Variants in ST18 observed in about 807,000 individuals in gnomAD.
The protein encoded by ST18 is ST18 C2H2C-type zinc finger transcription factor, also known as suppression of tumorigenicity 18 protein.
In ST18, 50 loss-of-function variants were observed where a neutral mutation model predicts 110.0. The ratio of observed to expected loss-of-function variants is 0.45; its 90% CI spans 0.36 to 0.58. ST18 has a LOEUF of 0.58. Ranked by LOEUF, ST18 falls within the 20% of genes least tolerant of loss-of-function variation. The pLI, the probability that ST18 is intolerant of heterozygous loss-of-function variation, is 0.00. For missense variants in ST18, 1,306 were observed against 1,280.1 expected (o/e 1.02, Z -0.31); for synonymous variants, 461 against 452.4 (o/e 1.02, Z -0.24).
At chr8:52,146,123 G>T (rs925703670) in intron 16 of ST18, among the ~76,000 whole-genome samples, 1 of 152,166 alleles carries the variant, frequency 6.6e-6, no homozygotes, top group African/African-American at 2.4e-5. Context: ...AGGGAAAGAC[G>T]TGGGTGGGAG....
chr8:52,209,562 A>G (rs934518479), intron 8 of ST18, among the ~76,000 whole-genome samples: 19 of 151,904 alleles, frequency 1.3e-4, no homozygotes, highest in Non-Finnish European at 2.9e-5. Context: ...ACCTGAGATC[A>G]GGAGTTCGAG....
intron 2 of ST18, among the ~76,000 whole-genome samples, chr8:52,238,068 T>C (rs2092924728): frequency 6.6e-6 from 1 of 152,164 alleles, no homozygotes; most frequent in South Asian, 2.1e-4. Context: ...CAATAGCAAG[T>C]GTCGATGAGG....
chr8:52,378,601 C>T (rs13248774), intron 2 of ST18, among the ~76,000 whole-genome samples: 93,208 of 152,064 alleles, frequency 0.61, 35,750 homozygotes, highest in Non-Finnish European at 0.85. Context: ...TTCAGGTGTG[C>T]ATTTAATTAA....
chr8:52,197,888 A>G (rs2076677592), intron 8 of ST18, among the ~76,000 whole-genome samples: 1 of 80,542 alleles, frequency 1.2e-5, no homozygotes, highest in Non-Finnish European at 2.4e-5. Flanking sequence ...AAACAAAATG[A>G]GCACACACAC....
chr8:52,172,516 C>T lies in ST18; in HGVS notation c.345G>A (p.Lys115=). The part of the protein sequence containing the change: ...LSTAQENSSR[K]EDRYSCYQEL... ...CTTGATAACAAGAGTATCTGTCTTCCTTCCTACTGGAGTTTTCTTGTGCAG... is the reference window on the plus strand; with the variant it reads ...CTTGATAACAAGAGTATCTGTCTTCTTTCCTACTGGAGTTTTCTTGTGCAG... Residue 115 remains lysine, a synonymous_variant, in exon 10 of 26, where the codon AAG becomes AAA. Coordinates refer to ENST00000689386, the MANE Select transcript of ST18 (RefSeq NM_001352837.2). 6.2e-7 allele frequency: 1 copy of T among 1,613,006 alleles called. No individual in the cohort carries two copies. The highest frequency in any genetic ancestry group is 8.5e-7 in the Non-Finnish European group (1 of 1,179,790).
chr8:52,223,856 C>T (rs766843206), intron 3 of ST18, among the ~76,000 whole-genome samples: 2 of 152,140 alleles, frequency 1.3e-5, no homozygotes, highest in Non-Finnish European at 2.9e-5. Context: ...GGGAACCAGA[C>T]CATTCTGTGG....
At chr8:52,345,116 C>T (rs1378023928) in intron 2 of ST18, among the ~76,000 whole-genome samples, 1 of 152,098 alleles carries the variant, frequency 6.6e-6, no homozygotes, top group Non-Finnish European at 1.5e-5. Context: ...AAAAATATCA[C>T]TTTTCTTTTT....
intron 2 of ST18, among the ~76,000 whole-genome samples, chr8:52,258,117 T>C (rs578255921): frequency 6.6e-6 from 1 of 152,338 alleles, no homozygotes; most frequent in Admixed American, 6.5e-5. Context: ...AGACTCTCAA[T>C]TCTATTTCAT....
chr8:52,394,694 A>G (rs941649214), intron 2 of ST18, among the ~76,000 whole-genome samples: 1 of 152,256 alleles, frequency 6.6e-6, no homozygotes, highest in African/African-American at 2.4e-5. Context: ...TTGCCACAAA[A>G]TGAACACTGA....
chr8:52,188,059 T>G (rs942017209), intron 8 of ST18, among the ~76,000 whole-genome samples: 5 of 152,212 alleles, frequency 3.3e-5, no homozygotes, highest in African/African-American at 1.2e-4. Context: ...AAATAAACAT[T>G]TATTTATCAA....
chr8:52,202,277 AC>A (rs1481188637), intron 8 of ST18, among the ~76,000 whole-genome samples: 11 of 149,310 alleles, frequency 7.4e-5, no homozygotes, highest in Middle Eastern at 3.4e-3. Context: ...TATTCTCAAA[AC>A]AAACAGGGGT....
At chr8:52,162,008 G>A (rs2061584679) in intron 13 of ST18, among the ~76,000 whole-genome samples, 2 of 152,134 alleles carry the variant, frequency 1.3e-5, no homozygotes, top group Admixed American at 6.5e-5. Flanking sequence ...TCAGGAGTTC[G>A]AGACCAGCCT....
At chr8:52,383,646 A>C (rs978660481) in intron 2 of ST18, among the ~76,000 whole-genome samples, 1 of 151,810 alleles carries the variant, frequency 6.6e-6, no homozygotes, top group South Asian at 2.1e-4. Context: ...ATGGGGTTTC[A>C]CCGTGTTGGT....
At chr8:52,120,279 G>A (rs11995721) in intron 23 of ST18, among the ~76,000 whole-genome samples, 3,436 of 152,208 alleles carry the variant, frequency 0.023, 124 homozygotes, top group African/African-American at 0.079. Flanking sequence ...TTGAGCTATC[G>A]AAAACTTCTA....
chr8:52,211,481 A>T (rs1413758741), intron 8 of ST18, among the ~76,000 whole-genome samples: 1 of 151,390 alleles, frequency 6.6e-6, no homozygotes, highest in African/African-American at 2.4e-5. Context: ...ATCTCAGCTC[A>T]CTGCAACCTC....
At chr8:52,147,398 C>A (rs1219346241) in intron 16 of ST18, among the ~76,000 whole-genome samples, 1 of 152,042 alleles carries the variant, frequency 6.6e-6, no homozygotes, top group Non-Finnish European at 1.5e-5. Flanking sequence ...GAATGGGTTT[C>A]TGAGAATCTG....
chr8:52,392,769 C>T (rs1564644924), intron 2 of ST18, among the ~76,000 whole-genome samples: 2 of 152,178 alleles, frequency 1.3e-5, no homozygotes, highest in African/African-American at 2.4e-5. Flanking sequence ...CTTGGTTACA[C>T]ACTATGTAAA....
intron 2 of ST18, among the ~76,000 whole-genome samples, chr8:52,250,456 A>G (rs1179821441): frequency 2.0e-5 from 3 of 147,908 alleles, no homozygotes; most frequent in Non-Finnish European, 3.0e-5. Flanking sequence ...AAAAAAAAAA[A>G]AAAAAAAAAA....
intron 17 of ST18, 31 bp downstream of exon 17, chr8:52,142,899 C>T: frequency 6.9e-7 from 1 of 1,451,480 alleles, no homozygotes; most frequent in African/African-American, 1.4e-5. Context: ...ATTCCAGAAT[C>T]TTAGAGGGCA....
Sources: allele counts gnomAD v4.1 joint callset (sites outside exome capture counted in the v4.1 genomes callset), GRCh38; gene constraint gnomAD v4.1.1; transcripts MANE v1.5; gene names NCBI Gene and HGNC (gene_info 2026-07-23, HGNC 2026-07-21).